ADA2: variants seen among roughly 807,000 people sequenced by gnomAD.
ADA2 encodes adenosine deaminase 2.
In ADA2, 29 loss-of-function variants were observed where a neutral mutation model predicts 44.2. The ratio of observed to expected loss-of-function variants is 0.66; its 90% CI spans 0.49 to 0.89. The LOEUF (loss-of-function observed/expected upper bound fraction) is 0.89. Ranked by LOEUF, ADA2 falls within the 40% of genes least tolerant of loss-of-function variation. ADA2 has a pLI of 0.00. For synonymous variants in ADA2, 215 were observed against 234.9 expected (o/e 0.92, Z 0.77); for missense variants, 637 against 644.8 (o/e 0.99, Z 0.13).
At chr22:17,190,848 G>A (rs2062106035) in intron 5 of ADA2, among the ~76,000 whole-genome samples, 1 of 152,236 alleles carries the variant, frequency 6.6e-6, no homozygotes, top group African/African-American at 2.4e-5. Flanking sequence ...AGGGGGACCG[G>A]CACAAAGCCA....
intron 4 of ADA2, among the ~76,000 whole-genome samples, chr22:17,194,040 CAATAG>C (rs1476323634): frequency 2.2e-5 from 3 of 137,656 alleles, no homozygotes; most frequent in Non-Finnish European, 4.7e-5. Context: ...AAAAAAGAAA[CAATAG>C]AATAAGTGCT....
intron 6 of ADA2, 65 bp from the exon 7 acceptor site, chr22:17,188,512 C>T: frequency 1.8e-6 from 2 of 1,099,166 alleles, no homozygotes; most frequent in East Asian, 2.4e-5. Context: ...GATGGCGCGC[C>T]CTGGAGCCTG....
At chr22:17,217,349 G>A (rs1365794141) in intron 1 of ADA2, among the ~76,000 whole-genome samples, 1 of 152,102 alleles carries the variant, frequency 6.6e-6, no homozygotes, top group Non-Finnish European at 1.5e-5. Flanking sequence ...ATCATTCTGT[G>A]GCCACACCAA....
chr22:17,209,341 C>T lies in ADA2; in HGVS notation c.322+15G>A, dbSNP rs758898321. On this transcript the variant is annotated intron_variant, in intron 2 of 9. Coordinates refer to ENST00000399837, the MANE Select transcript of ADA2 (RefSeq NM_001282225.2). ...ACCTTCCCAGCACCCCAAGCCACCC[C>T]TTTCCAAACCTTACCTTTTGGCATC... The T allele has an allele frequency of 1.9e-6, 3 of 1,607,998 alleles. No homozygotes were observed. In the East Asian group the frequency reaches 6.7e-5, roughly 36 times the overall value.
rs763825674 is a variant in ADA2, at chr22:17,190,050, A to C, written c.882-18T>G. ...CTTTGGATCTGTGAGACAGACAGAG[A>C]AGCCAGGAGACAGTGCCCAGCACCG... On this transcript the variant is annotated intron_variant, in intron 5 of 9. Coordinates refer to ENST00000399837, the MANE Select transcript of ADA2 (RefSeq NM_001282225.2). The C allele has an allele frequency of 1.0e-5, 16 of 1,588,738 alleles. No homozygotes were observed. The South Asian group carries it at 1.8e-4, about 18-fold the overall frequency.
At chr22:17,183,944 A>G (rs1601423631) in intron 7 of ADA2, among the ~76,000 whole-genome samples, 1 of 136,818 alleles carries the variant, frequency 7.3e-6, no homozygotes, top group Non-Finnish European at 1.5e-5. Context: ...TGCCATCCCC[A>G]TCACACCTTT....
intron 1 of ADA2, among the ~76,000 whole-genome samples, chr22:17,217,211 C>T (rs2062481985): frequency 6.6e-6 from 1 of 151,058 alleles, no homozygotes; most frequent in Non-Finnish European, 1.5e-5. Flanking sequence ...AATCCAACAC[C>T]CAAATAACAG....
intron 4 of ADA2, among the ~76,000 whole-genome samples, chr22:17,200,882 C>CAAAAAAA (rs3078427): frequency 0.032 from 3,761 of 118,706 alleles, 95 homozygotes; most frequent in East Asian, 0.074. Flanking sequence ...AACTCTGCCT[C>CAAAAAAA]AAAAAAAAAA....
At chr22:17,199,492 T>C in intron 4 of ADA2, 1 of 1,344,524 alleles carries the variant, frequency 7.4e-7, no homozygotes, top group Non-Finnish European at 1.0e-6. Flanking sequence ...GAGTTCCCTA[T>C]GCACTCCCAC....
Position 17,184,521 on chromosome 22 carries a change from C to A in ADA2, c.1082-1760G>T, listed in dbSNP as rs529075099. The stretch of plus-strand genomic sequence containing the variant: ...GGGGCAGAATCACCCACACAATGGG[C>A]ATAGCACAGATTGCTTCTTACGTGA... On this transcript the variant is annotated intron_variant, in intron 7 of 9. Transcript: ENST00000399837. Among the ~76,000 whole-genome samples the A allele has an allele frequency of 7.2e-5, 11 of 152,288 alleles. No individual in the cohort carries two copies. The South Asian group carries it at 2.3e-3, about 32-fold the overall frequency.
chr22:17,194,731 GA>G (rs1257757396), intron 4 of ADA2, among the ~76,000 whole-genome samples: 5 of 151,850 alleles, frequency 3.3e-5, no homozygotes, highest in African/African-American at 1.2e-4. Flanking sequence ...GTGCCAGAAG[GA>G]AGAACCTTAG....
chr22:17,210,892 T>C (rs1289379374), intron 1 of ADA2, among the ~76,000 whole-genome samples: 1 of 152,098 alleles, frequency 6.6e-6, no homozygotes, highest in Non-Finnish European at 1.5e-5. Flanking sequence ...CCAGCCAGTG[T>C]TTTACTTTTA....
chr22:17,191,578 C>T (rs541344167), intron 5 of ADA2, 105 bp downstream of exon 5: 142 of 1,283,470 alleles, frequency 1.1e-4, no homozygotes, highest in Non-Finnish European at 1.5e-4. Flanking sequence ...TGCTGGGCCT[C>T]TCCCGGCCTC....
intron 4 of ADA2, among the ~76,000 whole-genome samples, chr22:17,200,215 A>T (rs997371788): frequency 6.6e-6 from 1 of 151,762 alleles, no homozygotes; most frequent in Non-Finnish European, 1.5e-5. Context: ...CAAACACAAG[A>T]ATCACCTGCT....
intron 2 of ADA2, among the ~76,000 whole-genome samples, chr22:17,208,678 A>G (rs1386725806): frequency 6.7e-6 from 1 of 148,744 alleles, no homozygotes; most frequent in African/African-American, 2.5e-5. Context: ...TGGTTCATGC[A>G]TGTAATCCCA....
At chr22:17,187,506 C>T (rs2062049108) in intron 7 of ADA2, among the ~76,000 whole-genome samples, 1 of 151,320 alleles carries the variant, frequency 6.6e-6, no homozygotes, top group Non-Finnish European at 1.5e-5. Context: ...CCCTGGCTGG[C>T]CTCAAACTCC....
At chr22:17,220,089 CA>C (rs2062512189), upstream of ADA2, among the ~76,000 whole-genome samples, 1 of 152,164 alleles carries the variant, frequency 6.6e-6, no homozygotes, top group South Asian at 2.1e-4. Flanking sequence ...AGAGGCACTC[CA>C]AAATCTGTTC....
rs1374818856 is a variant in ADA2, at chr22:17,207,309, T to C, written c.323-19A>G. 56 of 1,574,972 alleles carry C rather than the reference T, an allele frequency of 3.6e-5. No individual in the cohort carries two copies. Among genetic ancestry groups the C allele is most frequent in the Non-Finnish European group, 4.8e-5 (55 of 1,148,358 alleles). On this transcript the variant is annotated intron_variant, in intron 2 of 9. Transcript: ENST00000399837. ...GCAGCCCCTGGAGAGGGAAGAAGAA[T>C]GGTGAAGACAAAGGGGTGAAGTCCC...
At chr22:17,219,661 G>C (rs9605234), upstream of ADA2, 1 of 125,660 alleles carries the variant, frequency 8.0e-6, no homozygotes, top group Non-Finnish European at 1.6e-5. Flanking sequence ...TGCATGTGGG[G>C]TTTGTTTTTT....
Sources: gnomAD v4.1 joint callset for allele counts (sites outside exome capture counted in the v4.1 genomes callset) on GRCh38, gnomAD v4.1.1 for gene constraint, MANE v1.5 for transcripts, NCBI Gene and HGNC (gene_info 2026-07-23, HGNC 2026-07-21) for gene names.